CHTF18: variants seen among roughly 807,000 people sequenced by gnomAD.
CHTF18 encodes chromosome transmission fidelity factor 18, also known as chromosome transmission fidelity protein 18 homolog.
In CHTF18, 151 loss-of-function variants were observed where a neutral mutation model predicts 113.4. The observed-to-expected ratio is 1.33, with a 90% CI of 1.17 to 1.52. The LOEUF (loss-of-function observed/expected upper bound fraction) is 1.52. Ranked by LOEUF, CHTF18 falls within the 40% of genes most tolerant of loss-of-function variation. The pLI is 0.00. For missense variants in CHTF18, 1,982 were observed against 1,381.6 expected (o/e 1.43, Z -6.89); for synonymous variants, 916 against 598.8 (o/e 1.53, Z -7.74).
At chr16:794,936 G>T (rs2042296517) in intron 15 of CHTF18, 196 bp from the exon 16 acceptor site, 2 of 586,014 alleles carry the variant, frequency 3.4e-6, no homozygotes, top group Non-Finnish European at 6.1e-6. Flanking sequence ...CGACCCCTTG[G>T]GCCCAGTGAC....
rs199515553 is a variant in CHTF18 at position 796,757 on chromosome 16, C to A, written c.2497C>A (p.Arg833Ser). 2.1e-5 allele frequency: 33 copies of A among 1,607,152 alleles called. No homozygotes were observed. Among genetic ancestry groups the A allele is most frequent in the Admixed American group, 5.0e-5 (3 of 59,950 alleles). ...CTGCCGCTTCCCTGAGCTGCCTGCCCGCAAGCCCCTCACCTACCAGACGAA... is the reference window on the plus strand; with the variant it reads ...CTGCCGCTTCCCTGAGCTGCCTGCCAGCAAGCCCCTCACCTACCAGACGAA... The part of the protein sequence containing the change: ...ELCRFPELPA[R>S]KPLTYQTKQL... Residue 833 changes from arginine (R) to serine (S), a missense_variant, in exon 19 of 22, where the codon CGC (arginine) becomes AGC (serine). Arg to Ser is a moderately radical substitution (Grantham distance 110, BLOSUM62 -1). Transcript: ENST00000262315.
At position 795,778 on chromosome 16, in the gene CHTF18, C is replaced by T. The variant is rs376892708; in HGVS notation, c.2269C>T (p.Leu757=). Residue 757 remains leucine (L), a synonymous_variant, in exon 17 of 22, where the codon CTG becomes TTG. Coordinates refer to ENST00000262315, the MANE Select transcript of CHTF18 (RefSeq NM_022092.3). ...ATRSRATPQA[L]LLDALCLLLD... The stretch of plus-strand genomic sequence containing the variant: ...GCGCAGCCGGGCCACGCCCCAGGCC[C>T]TGCTCCTCGATGCCCTCTGCCTGCT... The T allele has an allele frequency of 2.5e-6, 4 of 1,609,958 alleles. No homozygotes were observed. Among genetic ancestry groups the T allele is most frequent in the East Asian group, 2.2e-5 (1 of 44,678 alleles).
intron 15 of CHTF18, chr16:794,802 G>T: frequency 2.7e-6 from 1 of 373,800 alleles, no homozygotes; most frequent in Middle Eastern, 7.9e-4. Flanking sequence ...TCTAAGGAGG[G>T]GCTGAGTGAG....
rs759917869 is a variant in CHTF18 at position 795,884 on chromosome 16, C to T, written c.2325+50C>T. The T allele has an allele frequency of 1.0e-4, 162 of 1,601,758 alleles. 2 individuals carry two copies. The highest frequency in any genetic ancestry group is 6.2e-4 in the Admixed American group (37 of 59,506). Reference sequence around the variant, plus strand: ...GATTCCCCGCCTGCTGCCCTCCTGTCCTAGGTGAGCACACATTTGTACAGC... The same window carrying T: ...GATTCCCCGCCTGCTGCCCTCCTGTTCTAGGTGAGCACACATTTGTACAGC... On this transcript the variant is annotated intron_variant, in intron 17 of 21. Transcript: ENST00000262315.
In CHTF18 at chr16:791,452, C is replaced by T. The variant is rs1339557256; in HGVS notation, c.1104+82C>T. 30 of 1,477,676 alleles carry T rather than the reference C, an allele frequency of 2.0e-5. 1 individual carries two copies. Among genetic ancestry groups the T allele is most frequent in the South Asian group, 1.2e-4 (9 of 74,622 alleles). 91.5% of individuals were successfully genotyped at this position (1,477,676 alleles called of 1,614,324 possible). A position where few individuals can be genotyped will look rare whatever the true frequency, so the allele number is the denominator to read the frequency against. ...GGCACCCTTGCAGCCTGTTGACTTT[C>T]TCCAGGAGCCGTGGGTGTGGTGACG... is the stretch of plus-strand genomic sequence containing the variant. On this transcript the variant is annotated intron_variant, in intron 8 of 21. Coordinates refer to ENST00000262315, the MANE Select transcript of CHTF18 (RefSeq NM_022092.3).
Position 788,857 on chromosome 16 carries a change from G to A in CHTF18, c.92-74G>A. On this transcript the variant is annotated intron_variant, in intron 1 of 21. Coordinates refer to ENST00000262315, the MANE Select transcript of CHTF18 (RefSeq NM_022092.3). Reference sequence around the variant, plus strand: ...CCTCGGGGAGGGCGTGCCGGGGGCCGAAGGGGCCTCCACGTCGCCGCTGGC... The same window carrying A: ...CCTCGGGGAGGGCGTGCCGGGGGCCAAAGGGGCCTCCACGTCGCCGCTGGC... 6 of 1,512,878 alleles carry A rather than the reference G, an allele frequency of 4.0e-6. 1 individual carries two copies. The East Asian group carries it at 1.1e-4, about 27-fold the overall frequency. 93.7% of individuals were successfully genotyped at this position (1,512,878 alleles called of 1,614,324 possible).
intron 20 of CHTF18, 136 bp downstream of exon 20, chr16:797,228 A>G: frequency 1.0e-6 from 1 of 993,328 alleles, no homozygotes; most frequent in East Asian, 3.2e-5. Flanking sequence ...AGGGCCCCTC[A>G]TGAGGCAGGG....
intron 14 of CHTF18, chr16:793,848 G>T: frequency 1.6e-6 from 1 of 642,454 alleles, no homozygotes; most frequent in Non-Finnish European, 2.7e-6. Context: ...CTCAGAGTGG[G>T]GCTCCTCGGC....
Position 797,060 on chromosome 16 carries a change from C to A in CHTF18, c.2701C>A (p.His901Asn). 1.3e-6 allele frequency: 2 copies of A among 1,554,104 alleles called. No individual in the cohort carries two copies. Among genetic ancestry groups the A allele is most frequent in the African/African-American group, 2.7e-5 (2 of 72,970 alleles). Residue 901 changes from histidine to asparagine, a missense_variant, in exon 20 of 22, where the codon CAC becomes AAC. Physicochemically the swap from His to Asn is moderately conservative, Grantham distance 68. Transcript: ENST00000262315. ...ACGCAACCATGAGCAGCGGCTGGAG[C>A]ACATCATGAGGCGAGCGGCCCGGGA... Reference protein sequence around the residue: ...APRNHEQRLEHIMRRAAREEQ... With the variant: ...APRNHEQRLENIMRRAAREEQ...
intron 15 of CHTF18, chr16:794,741 G>A: frequency 1.1e-5 from 3 of 268,288 alleles, no homozygotes; most frequent in Non-Finnish European, 2.1e-5. Flanking sequence ...CACGGAACAG[G>A]GGTGGGGACG....
chr16:789,864 G>A (rs1055931467), intron 4 of CHTF18, 149 bp downstream of exon 4: 45 of 1,325,676 alleles, frequency 3.4e-5, no homozygotes, highest in Non-Finnish European at 4.5e-5. Flanking sequence ...ATGGGGCGTA[G>A]ACTTAGAGGA....
At position 792,445 on chromosome 16, in the gene CHTF18, A is replaced by G. The variant is rs780643728; in HGVS notation, c.1333A>G (p.Ile445Val). 5 of 1,564,240 alleles carry G rather than the reference A, an allele frequency of 3.2e-6. No individual in the cohort carries two copies. The African/African-American group carries it at 4.1e-5, about 13-fold the overall frequency. The change falls in exon 11 of 22, where the codon ATC becomes GTC. Residue 445 changes from isoleucine (I) to valine (V), a missense_variant. By Grantham distance (29) the Ile-to-Val change is conservative. Transcript: ENST00000262315. ...DEIDGAPVAA[I>V]NVLLSILNRK... ...TCCTCTGACCTCCCCCAAGGCCGCCATCAACGTCCTCCTGAGCATCCTGAA... is the reference window on the plus strand; with the variant it reads ...TCCTCTGACCTCCCCCAAGGCCGCCGTCAACGTCCTCCTGAGCATCCTGAA...
rs1011936351 is a variant in CHTF18 at position 796,032 on chromosome 16, G to T, written c.2411G>T (p.Arg804Leu). The T allele has an allele frequency of 3.7e-6, 6 of 1,605,474 alleles. No homozygotes were observed. Among genetic ancestry groups the T allele is most frequent in the Non-Finnish European group, 3.4e-6 (4 of 1,176,724 alleles). ...GTMLAYSLTY[R>L]QERTPDGQYI... ...ATGCTCGCTTACAGCCTGACCTACCGCCAGGAGCGCACGCCCGATGGCCAG... is the reference window on the plus strand; with the variant it reads ...ATGCTCGCTTACAGCCTGACCTACCTCCAGGAGCGCACGCCCGATGGCCAG... Residue 804 changes from arginine (R) to leucine (L), a missense_variant, in exon 18 of 22, where the codon CGC becomes CTC. Transcript: ENST00000262315.
intron 18 of CHTF18, 109 bp downstream of exon 18, chr16:796,186 G>C: frequency 1.4e-6 from 2 of 1,393,942 alleles, no homozygotes; most frequent in Non-Finnish European, 1.9e-6. Flanking sequence ...CATGGCGTCT[G>C]GGGGTGGCGG....
At position 794,135 on chromosome 16, in the gene CHTF18, C is replaced by T. The variant is rs766134336; in HGVS notation, c.1884C>T (p.Ala628=). The change falls in exon 15 of 22, where the codon GCC becomes GCT. Residue 628 remains alanine, a synonymous_variant. Transcript: ENST00000262315. ...GDGDAGSLTS[A]SQRFYRVLHA... is the part of the protein sequence containing the mutation. ...GGGACGCGGGCTCCCTCACCTCCGC[C>T]TCACAGCGATTCTACCGTGTCCTGC... The T allele has an allele frequency of 8.7e-6, 14 of 1,612,508 alleles. No individual in the cohort carries two copies. Among genetic ancestry groups the T allele is most frequent in the South Asian group, 2.2e-5 (2 of 91,080 alleles).
At chr16:790,010 A>T (rs1567392135) in intron 4 of CHTF18, 167 bp from the exon 5 acceptor site, 1 of 1,535,098 alleles carries the variant, frequency 6.5e-7, no homozygotes, top group Admixed American at 2.0e-5. Context: ...TTTGCAGCTG[A>T]CCCATCTGGA....
chr16:790,598 G>C lies in CHTF18; in HGVS notation c.826G>C (p.Ala276Pro). The C allele has an allele frequency of 6.3e-7, 1 of 1,597,058 alleles. No individual in the cohort carries two copies. Among genetic ancestry groups the C allele is most frequent in the Non-Finnish European group, 8.5e-7 (1 of 1,173,150 alleles). ...GGAGGAGCCGACTGACGGTCAAGAC[G>C]CCTCCAGTCACTGCCTCTGGGTGGA... ...PEEEPTDGQDASSHCLWVDEF... is the reference protein window; with the variant it reads ...PEEEPTDGQDPSSHCLWVDEF... Residue 276 changes from alanine to proline, a missense_variant, in exon 7 of 22, where the codon GCC becomes CCC. Transcript: ENST00000262315.
rs375459129 is a variant in CHTF18 at position 789,567 on chromosome 16, A to G, written c.458A>G (p.Asp153Gly). The change falls in exon 4 of 22, where the codon GAC becomes GGC. Residue 153 changes from aspartate (D) to glycine (G), a missense_variant. Asp to Gly is a moderately conservative substitution (Grantham distance 94, BLOSUM62 -1). Coordinates refer to ENST00000262315, the MANE Select transcript of CHTF18 (RefSeq NM_022092.3). ...WGHGVSEAAADVGLTRASPAA... is the reference protein window; with the variant it reads ...WGHGVSEAAAGVGLTRASPAA... Reference sequence around the variant, plus strand: ...TCCAGAGTCTCAGAAGCTGCTGCCGACGTGGGTCTCACACGGGCCTCACCA... The same window carrying G: ...TCCAGAGTCTCAGAAGCTGCTGCCGGCGTGGGTCTCACACGGGCCTCACCA... 1.5e-4 allele frequency: 248 copies of G among 1,604,212 alleles called. 1 individual carries two copies. The highest frequency in any genetic ancestry group is 2.0e-4 in the Non-Finnish European group (236 of 1,176,546).
chr16:797,551 A>C, intron 20 of CHTF18, 143 bp from the exon 21 acceptor site: 1 of 775,288 alleles, frequency 1.3e-6, no homozygotes, highest in East Asian at 2.7e-5. Flanking sequence ...GGTGAGGGGC[A>C]GCTGGCCTGG....
Sources: allele counts gnomAD v4.1 joint callset, GRCh38; gene constraint gnomAD v4.1.1; transcripts MANE v1.5; gene names NCBI Gene and HGNC (gene_info 2026-07-23, HGNC 2026-07-21).